Variants in GABRG3 observed in about 807,000 individuals in gnomAD.
The protein encoded by GABRG3 is gamma-aminobutyric acid type A receptor subunit gamma3, also known as gamma-aminobutyric acid receptor subunit gamma-3.
Under a neutral mutation model 48.8 loss-of-function variants are expected in GABRG3, and 25 were observed. The observed-to-expected ratio is 0.51, with a 90% CI of 0.37 to 0.72. GABRG3 has a LOEUF of 0.72. Ranked by LOEUF, GABRG3 falls within the 30% of genes least tolerant of loss-of-function variation. The pLI is 0.00. For synonymous variants in GABRG3, 227 were observed against 217.6 expected (o/e 1.04, Z -0.38); for missense variants, 394 against 577.9 (o/e 0.68, Z 3.26).
chr15:27,164,021 G>A (rs982314581), intron 3 of GABRG3, among the ~76,000 whole-genome samples: 9 of 152,108 alleles, frequency 5.9e-5, no homozygotes, highest in African/African-American at 1.9e-4. Flanking sequence ...GTCCATGTTC[G>A]CAAGCAAATT....
chr15:27,313,268 A>ATATATATATATATATATG (rs1566779094), intron 3 of GABRG3, among the ~76,000 whole-genome samples: 4 of 32,804 alleles, frequency 1.2e-4, no homozygotes, highest in South Asian at 1.1e-3. Flanking sequence ...GTGTGTATAT[A>ATATATATATATATATATG]TATATATATA....
At chr15:27,393,119 GC>G (rs1887189437) in intron 5 of GABRG3, among the ~76,000 whole-genome samples, 1 of 152,114 alleles carries the variant, frequency 6.6e-6, no homozygotes, top group Non-Finnish European at 1.5e-5. Context: ...GCCAAGGCGG[GC>G]AGATCACGAG....
intron 3 of GABRG3, among the ~76,000 whole-genome samples, chr15:27,056,353 CAA>C (rs58665097): frequency 2.6e-4 from 15 of 57,152 alleles, no homozygotes; most frequent in East Asian, 4.0e-4. Flanking sequence ...ACCCTGTCTC[CAA>C]AAAAAAAAAA....
chr15:27,300,145 A>G (rs1892146361), intron 3 of GABRG3, among the ~76,000 whole-genome samples: 1 of 152,182 alleles, frequency 6.6e-6, no homozygotes, highest in Admixed American at 6.5e-5. Context: ...GAACCAGATC[A>G]GTTAGTTGTT....
In GABRG3 at chr15:26,976,547, T is replaced by C. The variant is rs960923837; in HGVS notation, c.54-455T>C. ...ACTCAACTATTTTGAATGAGTCCAC[T>C]CTGCAAAAGCTAATCTCACCTTCAA... is the stretch of plus-strand genomic sequence containing the variant. On this transcript the variant is annotated intron_variant, in intron 1 of 9. Transcript: ENST00000615808. The surrounding 1 kb of genome is among the most constrained non-coding windows in gnomAD (Gnocchi z 7.8). Among the ~76,000 whole-genome samples, 1 of 151,664 alleles carries C rather than the reference T, an allele frequency of 6.6e-6. No homozygotes were observed. The highest frequency in any genetic ancestry group is 1.5e-5 in the Non-Finnish European group (1 of 67,956).
At chr15:27,181,647 T>C (rs760530915) in intron 3 of GABRG3, among the ~76,000 whole-genome samples, 6 of 152,244 alleles carry the variant, frequency 3.9e-5, no homozygotes, top group African/African-American at 7.2e-5. Flanking sequence ...CTTTCTGTTA[T>C]ATATCTATGG....
intron 2 of GABRG3, among the ~76,000 whole-genome samples, chr15:26,997,407 T>C (rs543483699): frequency 4.9e-4 from 74 of 152,312 alleles, no homozygotes; most frequent in African/African-American, 1.7e-3. Context: ...TTTGCATTTC[T>C]CATATTTCAA....
intron 2 of GABRG3, among the ~76,000 whole-genome samples, chr15:26,979,720 C>T (rs1309781756): frequency 6.6e-6 from 1 of 152,088 alleles, no homozygotes; most frequent in Non-Finnish European, 1.5e-5. Context: ...TGGAGTAAAT[C>T]CCACTTAGTC....
chr15:27,394,333 A>C, intron 5 of GABRG3, among the ~76,000 whole-genome samples: 1 of 152,158 alleles, frequency 6.6e-6, no homozygotes, highest in East Asian at 1.9e-4. Context: ...TTATTTTAGT[A>C]GCTTACAGAA....
chr15:27,336,636 A>G (rs752188208), intron 5 of GABRG3, among the ~76,000 whole-genome samples: 3 of 152,216 alleles, frequency 2.0e-5, no homozygotes, highest in Non-Finnish European at 2.9e-5. Flanking sequence ...TGTACTTACC[A>G]TATGACCTAG....
At chr15:27,444,568 TTC>T (rs1888885731) in intron 5 of GABRG3, among the ~76,000 whole-genome samples, 1 of 152,192 alleles carries the variant, frequency 6.6e-6, no homozygotes, top group African/African-American at 2.4e-5. Context: ...TTTTCAGGAT[TTC>T]TCAAAGTTCA....
chr15:27,437,960 C>T (rs1888668624), intron 5 of GABRG3, among the ~76,000 whole-genome samples: 1 of 152,110 alleles, frequency 6.6e-6, no homozygotes, highest in African/African-American at 2.4e-5. Flanking sequence ...ACAAGTATAG[C>T]CAGAACTCGC....
chr15:27,162,471 C>A lies in GABRG3; in HGVS notation c.270+135650C>A, dbSNP rs1887226897. ...CCTCCCTGTGCCACTGGCCACTGTG[C>A]AGCTTTGGTCCTCTTGGGCTAGATG... On this transcript the variant is annotated intron_variant, in intron 3 of 9. Transcript: ENST00000615808. Among the ~76,000 whole-genome samples the A allele has an allele frequency of 2.6e-5, 4 of 152,176 alleles. No homozygotes were observed. The South Asian group carries it at 8.3e-4, about 32-fold the overall frequency.
At chr15:27,372,248 G>A (rs796495068) in intron 5 of GABRG3, among the ~76,000 whole-genome samples, 8 of 152,168 alleles carry the variant, frequency 5.3e-5, no homozygotes, top group African/African-American at 1.9e-4. Context: ...TTTAGATGGG[G>A]CTAAAGATAA....
chr15:27,331,172 G>A (rs953756501), intron 5 of GABRG3, among the ~76,000 whole-genome samples: 1 of 152,112 alleles, frequency 6.6e-6, no homozygotes, highest in African/African-American at 2.4e-5. Context: ...CCTTTTGGAA[G>A]ACACCTGGGT....
chr15:27,323,527 G>A (rs1893502141), intron 3 of GABRG3, among the ~76,000 whole-genome samples: 1 of 152,188 alleles, frequency 6.6e-6, no homozygotes, highest in Non-Finnish European at 1.5e-5. Flanking sequence ...CTGAATTTTA[G>A]TTAAAGTATT....
At chr15:27,187,113 G>A (rs1008995753) in intron 3 of GABRG3, among the ~76,000 whole-genome samples, 7 of 152,082 alleles carry the variant, frequency 4.6e-5, no homozygotes, top group Non-Finnish European at 4.4e-5. Flanking sequence ...TGATAAATAG[G>A]GGTCTAGTTT....
intron 2 of GABRG3, among the ~76,000 whole-genome samples, chr15:26,994,069 T>C (rs1291946562): frequency 6.6e-6 from 1 of 152,006 alleles, no homozygotes; most frequent in East Asian, 1.9e-4. Context: ...TCCCATCCCT[T>C]TATTTTCAGT....
At chr15:27,311,334 C>T (rs886684061) in intron 3 of GABRG3, among the ~76,000 whole-genome samples, 16 of 152,114 alleles carry the variant, frequency 1.1e-4, no homozygotes, top group Admixed American at 9.8e-4. Flanking sequence ...TGCAAGGAAA[C>T]CCCCAGCTCC....
Sources: gnomAD v4.1 joint callset for allele counts (sites outside exome capture counted in the v4.1 genomes callset) on GRCh38, gnomAD v4.1.1 for gene constraint, Gnocchi (gnomAD v3.1) non-coding constraint, MANE v1.5 for transcripts, NCBI Gene and HGNC (gene_info 2026-07-23, HGNC 2026-07-21) for gene names.